Variants in MYLK observed in about 807,000 individuals in gnomAD.
MYLK encodes the protein myosin light chain kinase, smooth muscle.
In MYLK, 106 loss-of-function variants were observed where a neutral mutation model predicts 203.4. That is an observed-to-expected ratio of 0.52 (90% CI 0.45 to 0.61). The LOEUF (loss-of-function observed/expected upper bound fraction) is 0.61. Ranked by LOEUF, MYLK falls within the 20% of genes least tolerant of loss-of-function variation. The probability of loss-of-function intolerance (pLI) is 0.00; values close to 1 mark genes in which losing one functional copy is unlikely to be tolerated. For missense variants in MYLK, 2,072 were observed against 2,442.3 expected (o/e 0.85, Z 3.20); for synonymous variants, 867 against 959.5 (o/e 0.90, Z 1.78).
intron 2 of MYLK, among the ~76,000 whole-genome samples, chr3:123,862,189 A>C (rs1252662987): frequency 1.3e-5 from 2 of 152,162 alleles, no homozygotes; most frequent in African/African-American, 2.4e-5. Flanking sequence ...TCTTACTGTA[A>C]CTTCATGGCC....
intron 14 of MYLK, 89 bp downstream of exon 14, chr3:123,709,667 A>G: frequency 6.4e-7 from 1 of 1,555,830 alleles, no homozygotes; most frequent in Non-Finnish European, 8.8e-7. Context: ...TGGTGGATCA[A>G]GGATCTGAGC....
intron 3 of MYLK, among the ~76,000 whole-genome samples, chr3:123,825,144 CAAA>C (rs11419461): frequency 1.7e-5 from 2 of 115,876 alleles, no homozygotes; most frequent in Non-Finnish European, 1.9e-5. Flanking sequence ...CACCCTGTCT[CAAA>C]AAAAAAAAAA....
chr3:123,789,663 A>T (rs2064695679), intron 4 of MYLK, among the ~76,000 whole-genome samples: 1 of 137,670 alleles, frequency 7.3e-6, no homozygotes, highest in Admixed American at 6.9e-5. Context: ...GCAAAGCAAA[A>T]AAAAAAAAAA....
At chr3:123,666,983 C>G in intron 21 of MYLK, 154 bp downstream of exon 21, 1 of 720,874 alleles carries the variant, frequency 1.4e-6, no homozygotes. Context: ...GCAAACTCAG[C>G]CTGAAAAATG....
chr3:123,853,145 G>T (rs1560291512), intron 2 of MYLK, among the ~76,000 whole-genome samples: 3 of 152,014 alleles, frequency 2.0e-5, no homozygotes, highest in Admixed American at 6.6e-5. Flanking sequence ...AAAAATTGTG[G>T]GTGTAGTTTT....
At chr3:123,708,972 G>T in intron 14 of MYLK, 77 bp from the exon 15 acceptor site, 2 of 1,275,186 alleles carry the variant, frequency 1.6e-6, no homozygotes, top group Non-Finnish European at 2.3e-6. Context: ...GCTGAATGCA[G>T]TGATATTGGA....
In MYLK at chr3:123,682,312, T is replaced by C. The variant is rs1398461143; in HGVS notation, c.3566-2A>G. ...TGGTGTTCTCACTGGCTGGAGCATC[T>C]GGAATGAAACAGGTAACAATAAATG... On this transcript the variant is annotated splice_acceptor_variant, in intron 19 of 33. Transcript: ENST00000360304. LOFTEE classifies it high-confidence loss of function. 18 of 1,593,440 alleles carry C rather than the reference T, an allele frequency of 1.1e-5. No individual in the cohort carries two copies. Among genetic ancestry groups the C allele is most frequent in the Non-Finnish European group, 1.5e-5 (17 of 1,169,058 alleles).
intron 2 of MYLK, among the ~76,000 whole-genome samples, chr3:123,846,779 G>T (rs1450177417): frequency 2.0e-5 from 3 of 151,838 alleles, no homozygotes; most frequent in Non-Finnish European, 4.4e-5. Context: ...CATTTATTAA[G>T]GATCTCTTTT....
At position 123,666,253 on chromosome 3, in the gene MYLK, G is replaced by A; in HGVS notation, c.3797C>T (p.Pro1266Leu). The change falls in exon 22 of 34, where the codon CCC (proline) becomes CTC (leucine). Residue 1266 changes from proline (P) to leucine (L), a missense_variant. Pro to Leu is a moderately conservative substitution (Grantham distance 98). Around this residue, in one of 3 missense-constraint regions of MYLK, gnomAD observed 865 missense variants for 1,016.0 expected, o/e 0.85. Transcript: ENST00000360304. The part of the protein sequence containing the change: ...ELFGKVTGTQ[P>L]ITCTWMKFRK... Reference sequence around the variant, plus strand: ...GAACTTCATCCAGGTACAGGTGATGGGCTGAGTGCCTGTCACTTTGCCAAA... The same window carrying A: ...GAACTTCATCCAGGTACAGGTGATGAGCTGAGTGCCTGTCACTTTGCCAAA... 6.2e-7 allele frequency: 1 copy of A among 1,614,192 alleles called. No homozygotes were observed. Among genetic ancestry groups the A allele is most frequent in the African/African-American group, 1.3e-5 (1 of 75,044 alleles).
intron 2 of MYLK, among the ~76,000 whole-genome samples, chr3:123,874,453 T>C (rs1319321552): frequency 6.6e-6 from 1 of 152,152 alleles, no homozygotes; most frequent in African/African-American, 2.4e-5. Flanking sequence ...ACAGAATCTC[T>C]ATCTATACCT....
At chr3:123,769,661 T>A (rs928272100) in intron 4 of MYLK, among the ~76,000 whole-genome samples, 9 of 152,184 alleles carry the variant, frequency 5.9e-5, no homozygotes, top group Non-Finnish European at 1.3e-4. Context: ...GTGGGCCTCA[T>A]CACGGCTTAT....
At chr3:123,706,326 T>TG (rs1181257548) in intron 16 of MYLK, among the ~76,000 whole-genome samples, 5 of 152,134 alleles carry the variant, frequency 3.3e-5, no homozygotes, top group African/African-American at 9.7e-5. Context: ...CCTAAGGGGA[T>TG]GGGGTACATA....
intron 14 of MYLK, 142 bp downstream of exon 14, chr3:123,709,614 C>T (rs2061611079): frequency 2.9e-6 from 3 of 1,047,592 alleles, no homozygotes; most frequent in Non-Finnish European, 2.9e-6. Flanking sequence ...ACAAGAGTCT[C>T]CATTTCTTTG....
rs572537392 is a variant in MYLK, at chr3:123,636,324, GA to G, written c.4961+1746del. Among the ~76,000 whole-genome samples the G allele has an allele frequency of 1.2e-4, 19 of 152,368 alleles. No individual in the cohort carries two copies. In the South Asian group the frequency reaches 3.7e-3, roughly 30 times the overall value. ...GGCCCCTGTCACCTCAACGCCACAT[GA>G]AGATGGAATCCCTGCCATGATCCAC... On this transcript the variant is annotated intron_variant, in intron 29 of 33. Transcript: ENST00000360304.
chr3:123,716,169 C>G (rs541849778), intron 13 of MYLK: 1 of 152,316 alleles, frequency 6.6e-6, no homozygotes, highest in South Asian at 2.1e-4. Context: ...CAGCCTCCTC[C>G]TTTCCCTAAA....
intron 4 of MYLK, among the ~76,000 whole-genome samples, chr3:123,783,306 A>C (rs1214055605): frequency 2.0e-5 from 3 of 152,188 alleles, no homozygotes; most frequent in Non-Finnish European, 4.4e-5. Context: ...CTTCCAACAA[A>C]GGAAAACCTC....
chr3:123,823,887 A>G (rs2066022153), intron 3 of MYLK, among the ~76,000 whole-genome samples: 2 of 152,114 alleles, frequency 1.3e-5, no homozygotes, highest in African/African-American at 2.4e-5. Context: ...CTCCTGACTC[A>G]GGGCCTTTGC....
intron 2 of MYLK, among the ~76,000 whole-genome samples, chr3:123,865,155 T>C (rs1035265591): frequency 6.6e-6 from 1 of 152,190 alleles, no homozygotes; most frequent in Non-Finnish European, 1.5e-5. Context: ...ACTCTGCTGC[T>C]CAACAATATT....
At chr3:123,766,330 C>T (rs976027804) in intron 4 of MYLK, among the ~76,000 whole-genome samples, 19 of 152,242 alleles carry the variant, frequency 1.2e-4, no homozygotes, top group Non-Finnish European at 2.5e-4. Context: ...CGTGACCACA[C>T]AGGCTCCAGG....
Sources: allele counts gnomAD v4.1 joint callset (sites outside exome capture counted in the v4.1 genomes callset), GRCh38; gene constraint gnomAD v4.1.1; regional missense constraint gnomAD v4.1.1; transcripts MANE v1.5; gene names NCBI Gene and HGNC (gene_info 2026-07-23, HGNC 2026-07-21).